The following CNTN1 variants were observed in gnomAD, a reference collection of about 807,000 sequenced individuals.
The protein encoded by CNTN1 is contactin-1.
In CNTN1, 38 loss-of-function variants were observed where a neutral mutation model predicts 126.4. The observed-to-expected ratio is 0.30, with a 90% CI of 0.23 to 0.39. The LOEUF (loss-of-function observed/expected upper bound fraction) is 0.39, where lower values mean the gene tolerates loss of function less well. CNTN1 is among the 10% of genes least tolerant of loss of function. The probability of loss-of-function intolerance (pLI) is 1.00; values close to 1 mark genes in which losing one functional copy is unlikely to be tolerated. For synonymous variants in CNTN1, 413 were observed against 422.6 expected (o/e 0.98, Z 0.28); for missense variants, 1,009 against 1,248.4 (o/e 0.81, Z 2.89).
At position 40,789,695 on chromosome 12, in the gene CNTN1, ATC is replaced by A; in HGVS notation, c.-77+97104_-77+97105del. Among the ~76,000 whole-genome samples, 2 of 1,640 alleles carry A rather than the reference ATC, an allele frequency of 1.2e-3. 1 individual carries two copies. The highest frequency in any genetic ancestry group is 0.05 in the East Asian group (2 of 40). The allele number at this position is 1,640 out of a possible 152,430, so 1.1% of individuals were successfully genotyped here. A position where few individuals can be genotyped will look rare whatever the true frequency, so the allele number is the denominator to read the frequency against. ...AGTTCATATATACCTAAATTTTAAT[ATC>A]CTATTTTTTACTTCATGTTTCATTG... On this transcript the variant is annotated intron_variant, in intron 1 of 23. Transcript: ENST00000551295.
At position 40,844,069 on chromosome 12, in the gene CNTN1, A is replaced by ATTTTT. The variant is rs397957366; in HGVS notation, c.-76-64276_-76-64272dup. Among the ~76,000 whole-genome samples the ATTTTT allele has an allele frequency of 3.1e-4, 26 of 84,684 alleles. 5 individuals carry two copies. Among genetic ancestry groups the ATTTTT allele is most frequent in the East Asian group, 9.6e-4 (2 of 2,086 alleles). 55.6% of individuals were successfully genotyped at this position (84,684 alleles called of 152,430 possible). ...ATTGAAAAAATTCTTTGGCACAATG[A>ATTTTT]TTTTTTTTTTTTTTTTGAGACGGAG... On this transcript the variant is annotated intron_variant, in intron 1 of 23. Transcript: ENST00000551295.
Position 40,993,165 on chromosome 12 carries a change from A to G in CNTN1, c.2009A>G (p.Asp670Gly). The part of the protein sequence containing the change: ...EGNMEAARAV[D>G]LIPWMEYEFR... ...AATATGGAGGCAGCAAGAGCAGTGGACTTAATCCCATGGATGGAGTATGAA... is the reference window on the plus strand; with the variant it reads ...AATATGGAGGCAGCAAGAGCAGTGGGCTTAATCCCATGGATGGAGTATGAA... The change falls in exon 17 of 24, where the codon GAC becomes GGC. Residue 670 changes from aspartate (D) to glycine (G), a missense_variant. Coordinates refer to ENST00000551295, the MANE Select transcript of CNTN1 (RefSeq NM_001843.4). 1 of 1,613,742 alleles carries G rather than the reference A, an allele frequency of 6.2e-7. No individual in the cohort carries two copies.
At chr12:40,878,597 G>A (rs1330474519) in intron 1 of CNTN1, among the ~76,000 whole-genome samples, 1 of 152,166 alleles carries the variant, frequency 6.6e-6, no homozygotes, top group Non-Finnish European at 1.5e-5. Flanking sequence ...TTATGAATGG[G>A]TGTGATAGTC....
intron 23 of CNTN1, among the ~76,000 whole-genome samples, chr12:41,045,895 T>G (rs1949529703): frequency 6.6e-6 from 1 of 152,178 alleles, no homozygotes; most frequent in Non-Finnish European, 1.5e-5. Flanking sequence ...CTCTCACTTC[T>G]TTTTCTTAAA....
At chr12:40,967,147 G>A (rs1233851779) in intron 15 of CNTN1, among the ~76,000 whole-genome samples, 3 of 151,782 alleles carry the variant, frequency 2.0e-5, no homozygotes, top group Non-Finnish European at 4.4e-5. Flanking sequence ...AGCCTGGGCA[G>A]TAGAGCGAGA....
Position 41,069,203 on chromosome 12 carries a change from A to C in CNTN1, c.2981-756A>C, listed in dbSNP as rs554744975. 3.3e-5 allele frequency among the ~76,000 whole-genome samples: 5 copies of C among 152,296 alleles called. No homozygotes were observed. The South Asian group carries it at 1.0e-3, about 32-fold the overall frequency. ...TAAATTAAGTCCATAGCATATTATAATACATCATTTCAATTTTTAATTCAC... is the reference window on the plus strand; with the variant it reads ...TAAATTAAGTCCATAGCATATTATACTACATCATTTCAATTTTTAATTCAC... On this transcript the variant is annotated intron_variant, in intron 23 of 23. Coordinates refer to ENST00000551295, the MANE Select transcript of CNTN1 (RefSeq NM_001843.4).
At chr12:40,883,095 A>G (rs1592201854) in intron 1 of CNTN1, among the ~76,000 whole-genome samples, 1 of 151,590 alleles carries the variant, frequency 6.6e-6, no homozygotes, top group Admixed American at 6.6e-5. Flanking sequence ...GATTTCCTCA[A>G]GCCTAAATTT....
chr12:40,861,793 C>A (rs1943122452), intron 1 of CNTN1, among the ~76,000 whole-genome samples: 1 of 152,102 alleles, frequency 6.6e-6, no homozygotes, highest in African/African-American at 2.4e-5. Flanking sequence ...TATTATGCCA[C>A]TTTCTATATA....
intron 1 of CNTN1, among the ~76,000 whole-genome samples, chr12:40,886,893 A>T (rs1404832744): frequency 5.9e-5 from 9 of 151,682 alleles, no homozygotes; most frequent in East Asian, 1.9e-4. Context: ...TGTGGCATTA[A>T]TTCTGAGGGC....
At chr12:40,778,634 T>C (rs1939678595) in intron 1 of CNTN1, among the ~76,000 whole-genome samples, 1 of 151,858 alleles carries the variant, frequency 6.6e-6, no homozygotes, top group African/African-American at 2.4e-5. Flanking sequence ...TATAGCATGC[T>C]GGCTTAAACA....
chr12:40,876,189 G>A (rs1430533082), intron 1 of CNTN1, among the ~76,000 whole-genome samples: 1 of 149,652 alleles, frequency 6.7e-6, no homozygotes, highest in African/African-American at 2.4e-5. Context: ...AATCTACAGA[G>A]CACCCTACAA....
chr12:40,942,143 A>G (rs1349730767), intron 12 of CNTN1, among the ~76,000 whole-genome samples: 1 of 152,120 alleles, frequency 6.6e-6, no homozygotes, highest in Non-Finnish European at 1.5e-5. Flanking sequence ...ATTAAATGAA[A>G]GGGATGTGGG....
intron 13 of CNTN1, 132 bp from the exon 14 acceptor site, chr12:40,943,863 T>C: frequency 7.2e-7 from 1 of 1,386,752 alleles, no homozygotes; most frequent in Non-Finnish European, 1.0e-6. Flanking sequence ...ATGATATTGT[T>C]CTTGGAATTT....
At chr12:40,889,634 C>T (rs539509861) in intron 1 of CNTN1, among the ~76,000 whole-genome samples, 10 of 152,066 alleles carry the variant, frequency 6.6e-5, no homozygotes, top group Non-Finnish European at 1.5e-4. Context: ...ATGTAATACT[C>T]ATCCTTAAAG....
intron 23 of CNTN1, among the ~76,000 whole-genome samples, chr12:41,049,676 T>C (rs1949628085): frequency 6.6e-6 from 1 of 152,232 alleles, no homozygotes; most frequent in Admixed American, 6.5e-5. Context: ...TTTTAAAATA[T>C]GTCAGCTCTT....
intron 1 of CNTN1, among the ~76,000 whole-genome samples, chr12:40,734,818 C>A (rs1290053394): frequency 6.6e-6 from 1 of 151,884 alleles, no homozygotes; most frequent in African/African-American, 2.4e-5. Flanking sequence ...AAATGGAGAA[C>A]CAACATCTGG....
chr12:41,047,819 T>G (rs1949580349), intron 23 of CNTN1, among the ~76,000 whole-genome samples: 1 of 152,122 alleles, frequency 6.6e-6, no homozygotes, highest in Admixed American at 6.6e-5. Context: ...GGTTCTACCC[T>G]AGCCCTTTTC....
At position 40,933,712 on chromosome 12, in the gene CNTN1, C is replaced by A; in HGVS notation, c.819C>A (p.Ile273=). The A allele has an allele frequency of 6.2e-7, 1 of 1,612,724 alleles. No homozygotes were observed. Among genetic ancestry groups the A allele is most frequent in the Non-Finnish European group, 8.5e-7 (1 of 1,179,066 alleles). ...CFALGNPVPD[I]RWRKVLEPMP... ...CTATTTAAAGTCCTGTTCCGGATAT[C>A]CGATGGCGGAAGGTTCTAGAACCAA... Residue 273 remains isoleucine, a synonymous_variant, in exon 9 of 24, where the codon ATC becomes ATA. Coordinates refer to ENST00000551295, the MANE Select transcript of CNTN1 (RefSeq NM_001843.4).
chr12:41,032,127 A>C (rs1378155746), intron 23 of CNTN1, among the ~76,000 whole-genome samples: 1 of 152,190 alleles, frequency 6.6e-6, no homozygotes, highest in Non-Finnish European at 1.5e-5. Context: ...ACATATTTCC[A>C]CATCTCTGCC....
Sources: allele counts gnomAD v4.1 joint callset (sites outside exome capture counted in the v4.1 genomes callset), GRCh38; gene constraint gnomAD v4.1.1; transcripts MANE v1.5; gene names NCBI Gene and HGNC (gene_info 2026-07-23, HGNC 2026-07-21).